LAMA5: variants seen among roughly 807,000 people sequenced by gnomAD.
LAMA5 encodes laminin subunit alpha-5.
In LAMA5, 260 loss-of-function variants were observed where a neutral mutation model predicts 433.4. The observed-to-expected ratio is 0.60, with a 90% CI of 0.54 to 0.66. The LOEUF is 0.66. Among genes scored for constraint, LAMA5 ranks in the 30% least tolerant of loss-of-function variants. LAMA5 has a pLI of 0.00. For synonymous variants in LAMA5, 2,620 were observed against 2,226.6 expected (o/e 1.18, Z -4.97); for missense variants, 5,378 against 5,258.5 (o/e 1.02, Z -0.70).
intron 50 of LAMA5, 74 bp downstream of exon 50, chr20:62,320,485 G>A: frequency 1.7e-6 from 2 of 1,148,050 alleles, no homozygotes; most frequent in Non-Finnish European, 1.3e-6. Context: ...AACATCTGCT[G>A]AATGAGGACA....
intron 6 of LAMA5, 58 bp from the exon 7 acceptor site, chr20:62,347,086 C>T (rs1016625241): frequency 7.3e-7 from 1 of 1,361,562 alleles, no homozygotes. Flanking sequence ...GGCAGGTGCT[C>T]AGTCCCTTCC....
Position 62,322,161 on chromosome 20 carries a change from C to T in LAMA5, c.6354G>A (p.Gln2118=). 1 of 1,594,222 alleles carries T rather than the reference C, an allele frequency of 6.3e-7. No homozygotes were observed. Residue 2118 remains glutamine, a synonymous_variant, in exon 48 of 80, where the codon CAG becomes CAA. Transcript: ENST00000252999. ...GAGGGTCACAGCGGCCCCCAGGGCACTGGCAGCCTGTGGTGGGGGGCTTGG... is the reference window on the plus strand; with the variant it reads ...GAGGGTCACAGCGGCCCCCAGGGCATTGGCAGCCTGTGGTGGGGGGCTTGG... ...GLPEQGCRRC[Q]CPGGRCDPHT...
chr20:62,326,809 G>A (rs773042960), intron 39 of LAMA5, 49 bp from the exon 40 acceptor site: 1 of 1,603,758 alleles, frequency 6.2e-7, no homozygotes, highest in South Asian at 1.1e-5. Flanking sequence ...CTGGACCACG[G>A]TGCCACTGCG....
At chr20:62,332,178 G>A (rs974353394) in intron 28 of LAMA5, among the ~76,000 whole-genome samples, 194 bp downstream of exon 28, 1 of 152,216 alleles carries the variant, frequency 6.6e-6, no homozygotes, top group Admixed American at 6.5e-5. Context: ...GAACAGCTCG[G>A]GGGTACGTCA....
intron 48 of LAMA5, among the ~76,000 whole-genome samples, chr20:62,321,153 G>A (rs1183648979): frequency 1.2e-4 from 17 of 143,088 alleles, no homozygotes; most frequent in Non-Finnish European, 2.4e-4. Flanking sequence ...GGTGGGGCCA[G>A]TGAAGGGGCG....
Position 62,332,695 on chromosome 20 carries a change from G to A in LAMA5, c.3305C>T (p.Ala1102Val), listed in dbSNP as rs750072908. ...GGCATAGCGGCCTGGCTGTGGCACTGCCACTTGAAGCTGGACGTCCACCTG... is the reference window on the plus strand; with the variant it reads ...GGCATAGCGGCCTGGCTGTGGCACTACCACTTGAAGCTGGACGTCCACCTG... ...GSDVDVQLQV[A>V]VPQPGRYALV... The change falls in exon 27 of 80, where the codon GCA becomes GTA. Residue 1102 changes from alanine (A) to valine (V), a missense_variant. Transcript: ENST00000252999. The A allele has an allele frequency of 3.7e-6, 6 of 1,610,646 alleles. No individual in the cohort carries two copies. The African/African-American group carries it at 4.0e-5, about 11-fold the overall frequency.
Position 62,351,762 on chromosome 20 carries a change from A to G in LAMA5, c.898T>C (p.Cys300Arg), listed in dbSNP as rs201618274. 6.2e-7 allele frequency: 1 copy of G among 1,611,496 alleles called. No homozygotes were observed. The highest frequency in any genetic ancestry group is 1.7e-5 in the Admixed American group (1 of 59,922). The change falls in exon 6 of 80, where the codon TGT (cysteine) becomes CGT (arginine). Residue 300 changes from cysteine to arginine, a missense_variant. By Grantham distance (180) the Cys-to-Arg change is radical. Transcript: ENST00000252999. ...GCATCCGCGTGGCCGTGGCAGACACAGCGGCCTCCGATGCTGATATCCTTG... is the reference window on the plus strand; with the variant it reads ...GCATCCGCGTGGCCGTGGCAGACACGGCGGCCTCCGATGCTGATATCCTTG... The part of the protein sequence containing the change: ...SIKDISIGGR[C>R]VCHGHADACD...
intron 33 of LAMA5, 41 bp from the exon 34 acceptor site, chr20:62,329,096 G>C: frequency 1.2e-6 from 2 of 1,611,910 alleles, no homozygotes; most frequent in Non-Finnish European, 1.7e-6. Context: ...TCCCGGCCCA[G>C]ACCCCCACCC....
chr20:62,313,402 T>A lies in LAMA5; in HGVS notation c.8717A>T (p.Asn2906Ile). The A allele has an allele frequency of 6.2e-7, 1 of 1,609,142 alleles. No individual in the cohort carries two copies. Among genetic ancestry groups the A allele is most frequent in the Non-Finnish European group, 8.5e-7 (1 of 1,178,570 alleles). Residue 2906 changes from asparagine (N) to isoleucine (I), a missense_variant, in exon 64 of 80, where the codon AAT becomes ATT. Physicochemically the swap from Asn to Ile is moderately radical, Grantham distance 149 (BLOSUM62 -3). Transcript: ENST00000252999. Reference sequence around the variant, plus strand: ...GTTGTAGAGGCTGACCACCTCCTCATTCAGCGTGTCCATCTCGATGCAGCC... The same window carrying A: ...GTTGTAGAGGCTGACCACCTCCTCAATCAGCGTGTCCATCTCGATGCAGCC... ...YRGCIEMDTL[N>I]EEVVSLYNFE...
chr20:62,332,514 C>T, intron 27 of LAMA5, 34 bp from the exon 28 acceptor site: 1 of 1,608,856 alleles, frequency 6.2e-7, no homozygotes, highest in Middle Eastern at 1.7e-4. Flanking sequence ...GGTGGGGCAG[C>T]CCCGGGCGTG....
intron 1 of LAMA5, among the ~76,000 whole-genome samples, chr20:62,366,631 C>T (rs1156437410): frequency 6.6e-6 from 1 of 152,214 alleles, no homozygotes; most frequent in Non-Finnish European, 1.5e-5. Flanking sequence ...CCGCCCTCCC[C>T]GGGATCCCGG....
At chr20:62,327,792 G>A (rs1043697516) in intron 36 of LAMA5, 74 bp downstream of exon 36, 75 of 1,570,698 alleles carry the variant, frequency 4.8e-5, no homozygotes, top group African/African-American at 2.3e-4. Context: ...CAGCTGCCCC[G>A]AAAGGCCCGT....
intron 11 of LAMA5, among the ~76,000 whole-genome samples, chr20:62,339,953 C>T (rs931748452): frequency 6.6e-6 from 1 of 152,142 alleles, no homozygotes; most frequent in African/African-American, 2.4e-5. Flanking sequence ...CTTGAAAGAG[C>T]GTACCTTAAA....
Position 62,324,813 on chromosome 20 carries a change from G to A in LAMA5, c.5530-259C>T. The A allele has an allele frequency of 2.0e-6, 1 of 511,286 alleles. No homozygotes were observed. Among genetic ancestry groups the A allele is most frequent in the Non-Finnish European group, 3.6e-6 (1 of 280,636 alleles). The allele number at this position is 511,286 out of a possible 1,614,324, so 31.7% of individuals were successfully genotyped here. A position where few individuals can be genotyped will look rare whatever the true frequency, so the allele number is the denominator to read the frequency against. On this transcript the variant is annotated intron_variant, in intron 41 of 79. Transcript: ENST00000252999. The surrounding 1 kb of genome is among the most constrained non-coding windows in gnomAD (Gnocchi z 4.4). Reference sequence around the variant, plus strand: ...CCTGTCTCGGGAATGACCAGGCCTTGGGGCTGGTGACCACCCACTCCATGT... The same window carrying A: ...CCTGTCTCGGGAATGACCAGGCCTTAGGGCTGGTGACCACCCACTCCATGT...
intron 62 of LAMA5, 97 bp downstream of exon 62, chr20:62,314,207 G>A (rs117854515): frequency 0.024 from 33,975 of 1,440,794 alleles, 541 homozygotes; most frequent in Non-Finnish European, 0.029. Flanking sequence ...GGCATGGAGA[G>A]GTGAAGGGTG....
rs764790660 is a variant in LAMA5, at chr20:62,336,791, G to A, written c.2165-5C>T. On this transcript the variant is annotated splice_region_variant and splice_polypyrimidine_tract_variant and intron_variant, in intron 16 of 79. Coordinates refer to ENST00000252999, the MANE Select transcript of LAMA5 (RefSeq NM_005560.6). ...CGGCAGGGTGGCAAGAGCCAGCTGT[G>A]AAGAGAGGACCATGCCTCGGTCATT... The A allele has an allele frequency of 5.6e-6, 9 of 1,612,460 alleles. No individual in the cohort carries two copies. Among genetic ancestry groups the A allele is most frequent in the East Asian group, 4.5e-5 (2 of 44,878 alleles).
chr20:62,330,818 G>A lies in LAMA5; in HGVS notation c.3777C>T (p.Ser1259=). 1 of 1,551,494 alleles carries A rather than the reference G, an allele frequency of 6.4e-7. No homozygotes were observed. Among genetic ancestry groups the A allele is most frequent in the Non-Finnish European group, 8.7e-7 (1 of 1,148,672 alleles). The part of the protein sequence containing the change: ...THAQDLTPAM[S]PAGPRPRPPT... ...GGGGCCGAGGTCGGGGTCCAGCTGG[G>A]GACATGGCTGGAGTGAGATCCTGCG... Residue 1259 remains serine, a synonymous_variant, in exon 30 of 80, where the codon TCC becomes TCT. Coordinates refer to ENST00000252999, the MANE Select transcript of LAMA5 (RefSeq NM_005560.6).
chr20:62,313,226 C>G lies in LAMA5; in HGVS notation c.8817G>C (p.Trp2939Cys). The change falls in exon 65 of 80, where the codon TGG becomes TGC. Residue 2939 changes from tryptophan to cysteine, a missense_variant. Physicochemically the swap from Trp to Cys is radical, Grantham distance 215 (BLOSUM62 -2). Transcript: ENST00000252999. ...CARSKSTGDPWLTDGSYLDGT... is the reference protein window; with the variant it reads ...CARSKSTGDPCLTDGSYLDGT... ...CGTCCAGGTAGGAGCCGTCCGTGAGCCACGGGTCCCCGGTCGACTTGGAGC... is the reference window on the plus strand; with the variant it reads ...CGTCCAGGTAGGAGCCGTCCGTGAGGCACGGGTCCCCGGTCGACTTGGAGC... The G allele has an allele frequency of 6.5e-7, 1 of 1,547,948 alleles. No homozygotes were observed. The highest frequency in any genetic ancestry group is 8.7e-7 in the Non-Finnish European group (1 of 1,150,016).
At chr20:62,311,831 C>A (rs1253100178) in intron 70 of LAMA5, 47 bp from the exon 71 acceptor site, 3 of 1,554,098 alleles carry the variant, frequency 1.9e-6, no homozygotes, top group Non-Finnish European at 2.6e-6. Flanking sequence ...ACCCTGCCCA[C>A]CCCCACCTCA....
Sources: allele counts gnomAD v4.1 joint callset (sites outside exome capture counted in the v4.1 genomes callset), GRCh38; gene constraint gnomAD v4.1.1; non-coding constraint Gnocchi (gnomAD v3.1); transcripts MANE v1.5; gene names NCBI Gene and HGNC (gene_info 2026-07-23, HGNC 2026-07-21).